NAALADL2: variants seen among roughly 807,000 people sequenced by gnomAD.
NAALADL2 encodes the protein N-acetylated alpha-linked acidic dipeptidase like 2, also known as inactive N-acetylated-alpha-linked acidic dipeptidase-like protein 2.
A neutral mutation model predicts 87.2 loss-of-function variants in NAALADL2; 76 were observed. The observed-to-expected ratio is 0.87, with a 90% CI of 0.72 to 1.05. NAALADL2 has a LOEUF of 1.05. Ranked by LOEUF, NAALADL2 falls within the 50% of genes least tolerant of loss-of-function variation. The probability of loss-of-function intolerance (pLI) is 0.00; values close to 1 mark genes in which losing one functional copy is unlikely to be tolerated. For synonymous variants in NAALADL2, 354 were observed against 331.0 expected, an observed-to-expected ratio of 1.07 and a Z score of -0.75; for missense variants, 1,089 against 945.8, an observed-to-expected ratio of 1.15 and a Z score of -1.99.
rs910771378 is a variant in NAALADL2, at chr3:175,491,821, C to G, written c.1653+20063C>G. Among the ~76,000 whole-genome samples the G allele has an allele frequency of 2.0e-5, 3 of 151,980 alleles. No individual in the cohort carries two copies. The East Asian group carries it at 5.8e-4, about 29-fold the overall frequency. On this transcript the variant is annotated intron_variant, in intron 9 of 13. Transcript: ENST00000454872. Reference sequence around the variant, plus strand: ...TGTGGGCATACACCAACATTTATAGCAATGATACAAATGTTATCAGTTTTT... The same window carrying G: ...TGTGGGCATACACCAACATTTATAGGAATGATACAAATGTTATCAGTTTTT...
intron 1 of NAALADL2, among the ~76,000 whole-genome samples, chr3:174,996,242 A>C (rs1747437072): frequency 6.6e-6 from 1 of 152,190 alleles, no homozygotes; most frequent in Admixed American, 6.5e-5. Context: ...TCACGCCTGT[A>C]ATCCCAGCAC....
intron 10 of NAALADL2, among the ~76,000 whole-genome samples, chr3:175,607,267 T>C (rs2149660876): frequency 6.6e-6 from 1 of 152,332 alleles, no homozygotes; most frequent in Middle Eastern, 3.4e-3. Flanking sequence ...AAAAGAAATT[T>C]ATAATCTCAT....
At chr3:175,571,421 G>A (rs74636121) in intron 9 of NAALADL2, among the ~76,000 whole-genome samples, 3,218 of 152,230 alleles carry the variant, frequency 0.021, 129 homozygotes, top group African/African-American at 0.073. Flanking sequence ...ACTCAGCCTT[G>A]TAAATAAATT....
intron 2 of NAALADL2, among the ~76,000 whole-genome samples, chr3:174,639,876 AC>A (rs2108726427): frequency 6.6e-6 from 1 of 152,270 alleles, no homozygotes; most frequent in East Asian, 1.9e-4. Context: ...ACCAACTACC[AC>A]CTATATTAAA....
intron 5 of NAALADL2, among the ~76,000 whole-genome samples, chr3:175,338,030 C>G (rs1002198593): frequency 6.6e-6 from 1 of 152,166 alleles, no homozygotes; most frequent in Non-Finnish European, 1.5e-5. Context: ...ACTGAACTTT[C>G]ACAGCTTTTA....
At chr3:175,676,062 C>A (rs1734730043) in intron 11 of NAALADL2, 1 of 151,974 alleles carries the variant, frequency 6.6e-6, no homozygotes, top group African/African-American at 2.4e-5. Context: ...AGGTAAAAAC[C>A]CATATCAAGT....
At chr3:175,459,747 A>C (rs1387993437) in intron 6 of NAALADL2, among the ~76,000 whole-genome samples, 1 of 152,126 alleles carries the variant, frequency 6.6e-6, no homozygotes, top group African/African-American at 2.4e-5. Flanking sequence ...CCCAGAGTGC[A>C]GGTTTGTTCA....
intron 9 of NAALADL2, among the ~76,000 whole-genome samples, chr3:175,505,858 A>C (rs1730236666): frequency 6.6e-6 from 1 of 152,184 alleles, no homozygotes; most frequent in Non-Finnish European, 1.5e-5. Context: ...CTTTAGATTC[A>C]GCTACCAAAG....
intron 1 of NAALADL2, among the ~76,000 whole-genome samples, chr3:174,956,121 T>G (rs1057151090): frequency 1.3e-5 from 2 of 152,044 alleles, no homozygotes; most frequent in Non-Finnish European, 2.9e-5. Flanking sequence ...TTCAAACCTC[T>G]TAGCAGTTTA....
intron 1 of NAALADL2, among the ~76,000 whole-genome samples, chr3:175,013,311 T>A (rs1750396327): frequency 8.4e-6 from 1 of 119,172 alleles, no homozygotes; most frequent in Non-Finnish European, 1.7e-5. Context: ...ATTTTTTTTT[T>A]TTTTTGAGAC....
At chr3:174,854,835 C>CTTT (rs68116968), upstream of NAALADL2, among the ~76,000 whole-genome samples, 25 of 111,998 alleles carry the variant, frequency 2.2e-4, no homozygotes, top group South Asian at 2.9e-4. Context: ...GCTTTTTTTT[C>CTTT]TTTTTTTTTT....
chr3:174,442,848 G>T lies in NAALADL2; in HGVS notation c.-184+1816G>T, dbSNP rs1423287944. Among the ~76,000 whole-genome samples, 9 of 152,156 alleles carry T rather than the reference G, an allele frequency of 5.9e-5. 1 individual carries two copies. The highest frequency in any genetic ancestry group is 4.6e-4 in the Admixed American group (7 of 15,288). ...ATAGGATTTTACCGGAAGTCCTCTG[G>T]AGAAGGTGACATTTCAGTAGACTTG... On this transcript the variant is annotated intron_variant, in intron 1 of 3. Coordinates refer to the NAALADL2 transcript ENST00000434257.
At chr3:175,091,709 G>A (rs1720166366) in intron 1 of NAALADL2, among the ~76,000 whole-genome samples, 1 of 152,006 alleles carries the variant, frequency 6.6e-6, no homozygotes, top group Admixed American at 6.6e-5. Context: ...ATATTAAACA[G>A]AATTCTTTAC....
At chr3:175,718,492 A>G (rs1365825433) in intron 11 of NAALADL2, 1 of 1,588,100 alleles carries the variant, frequency 6.3e-7, no homozygotes, top group Admixed American at 1.7e-5. Context: ...GGTTTTCATA[A>G]ATTGTTCTTG....
intron 1 of NAALADL2, among the ~76,000 whole-genome samples, chr3:175,008,791 A>T (rs77253779): frequency 6.6e-6 from 1 of 151,758 alleles, no homozygotes; most frequent in African/African-American, 2.4e-5. Context: ...GATTCCTTGC[A>T]GTTCCATGTT....
intron 13 of NAALADL2, among the ~76,000 whole-genome samples, chr3:175,778,807 T>C (rs913581397): frequency 6.6e-6 from 1 of 152,138 alleles, no homozygotes; most frequent in Admixed American, 6.5e-5. Flanking sequence ...GCCAGGAAGC[T>C]TGTCTTGTAC....
chr3:175,290,745 T>G (rs1755549474), intron 4 of NAALADL2, among the ~76,000 whole-genome samples: 1 of 152,156 alleles, frequency 6.6e-6, no homozygotes, highest in East Asian at 1.9e-4. Flanking sequence ...TAAAGTTTAT[T>G]TAAAATATGA....
At chr3:175,133,173 G>C (rs1207713395) in intron 2 of NAALADL2, among the ~76,000 whole-genome samples, 2 of 151,438 alleles carry the variant, frequency 1.3e-5, no homozygotes, top group Admixed American at 1.3e-4. Context: ...TGGCCGCCGG[G>C]AAGAGGCGCT....
intron 1 of NAALADL2, among the ~76,000 whole-genome samples, chr3:174,924,415 T>C (rs1224378421): frequency 6.6e-6 from 1 of 152,102 alleles, no homozygotes; most frequent in Non-Finnish European, 1.5e-5. Context: ...GGCTGCATAG[T>C]ATTCCATGGT....
Sources: allele counts gnomAD v4.1 joint callset (sites outside exome capture counted in the v4.1 genomes callset), GRCh38; gene constraint gnomAD v4.1.1; transcripts MANE v1.5; gene names NCBI Gene and HGNC (gene_info 2026-07-23, HGNC 2026-07-21).